Variants in SMG7 observed in about 807,000 individuals in gnomAD.
SMG7 encodes nonsense-mediated mRNA decay factor SMG7.
SMG7 carries 34 observed loss-of-function variants against 148.2 expected under a neutral mutation model. The ratio of observed to expected loss-of-function variants is 0.23; its 90% CI spans 0.17 to 0.31. The LOEUF is 0.31. Ranked by LOEUF, SMG7 falls within the 10% of genes least tolerant of loss-of-function variation. The pLI, the probability that SMG7 is intolerant of heterozygous loss-of-function variation, is 1.00. For missense variants in SMG7, 1,114 were observed against 1,408.4 expected (o/e 0.79, Z 3.35); for synonymous variants, 492 against 515.1 (o/e 0.96, Z 0.61).
At chr1:183,489,645 G>A (rs1405160203) in intron 1 of SMG7, among the ~76,000 whole-genome samples, 1 of 152,146 alleles carries the variant, frequency 6.6e-6, no homozygotes, top group Non-Finnish European at 1.5e-5. Flanking sequence ...TATTGCCTTT[G>A]TATTGTCTTC....
At chr1:183,504,262 G>A (rs1660399060) in intron 1 of SMG7, among the ~76,000 whole-genome samples, 1 of 152,016 alleles carries the variant, frequency 6.6e-6, no homozygotes, top group Admixed American at 6.6e-5. Flanking sequence ...TGTACTTACT[G>A]GTAGTATTTC....
chr1:183,488,735 G>GA (rs1453977135), intron 1 of SMG7, among the ~76,000 whole-genome samples: 1 of 140,060 alleles, frequency 7.1e-6, no homozygotes, highest in Non-Finnish European at 1.5e-5. Context: ...GCCCAGGCTG[G>GA]AGTGCAGTGG....
chr1:183,488,178 T>A (rs937270453), intron 1 of SMG7, among the ~76,000 whole-genome samples: 2 of 152,248 alleles, frequency 1.3e-5, no homozygotes, highest in African/African-American at 4.8e-5. Flanking sequence ...GCTGTACTTT[T>A]GCCTTTCAAA....
intron 2 of SMG7, among the ~76,000 whole-genome samples, chr1:183,514,708 G>T (rs1663065942): frequency 2.0e-5 from 3 of 152,212 alleles, no homozygotes; most frequent in African/African-American, 7.2e-5. Flanking sequence ...CTTGATAGAT[G>T]AGAATTAGTA....
chr1:183,501,071 G>A (rs1274707367), intron 1 of SMG7: 3 of 152,154 alleles, frequency 2.0e-5, no homozygotes, highest in Non-Finnish European at 4.4e-5. Flanking sequence ...GAATTGATTA[G>A]TGTGAGTTCT....
At chr1:183,508,607 T>C (rs1661480718) in intron 1 of SMG7, among the ~76,000 whole-genome samples, 1 of 152,206 alleles carries the variant, frequency 6.6e-6, no homozygotes, top group African/African-American at 2.4e-5. Context: ...TGTACACTGT[T>C]TTTTAAAAAG....
At position 183,491,481 on chromosome 1, in the gene SMG7, GTGTGCA is replaced by G. The variant is rs201705834; in HGVS notation, c.29+18842_29+18847del. On this transcript the variant is annotated intron_variant, in intron 1 of 22. Coordinates refer to ENST00000688051, the MANE Select transcript of SMG7 (RefSeq NM_001375584.1). ...CATGTATGTATTTTGGGATATAAAT[GTGTGCA>G]TGTGCATGTATAGAATGTTACATAC... Among the ~76,000 whole-genome samples, 805 of 152,226 alleles carry G rather than the reference GTGTGCA, an allele frequency of 5.3e-3. 11 individuals carry two copies. The highest frequency in any genetic ancestry group is 0.018 in the African/African-American group (742 of 41,538).
chr1:183,477,918 C>T (rs1392369774), intron 1 of SMG7, among the ~76,000 whole-genome samples: 2 of 152,048 alleles, frequency 1.3e-5, no homozygotes, highest in Non-Finnish European at 2.9e-5. Flanking sequence ...ACTAATATAA[C>T]AGCCACAGGG....
intron 10 of SMG7, among the ~76,000 whole-genome samples, chr1:183,536,751 G>T (rs1472181236): frequency 3.3e-5 from 5 of 152,116 alleles, no homozygotes; most frequent in Non-Finnish European, 7.4e-5. Flanking sequence ...ACAGATTAAA[G>T]AACTAACAGC....
chr1:183,528,420 G>A (rs909045612), intron 6 of SMG7, among the ~76,000 whole-genome samples: 3 of 151,850 alleles, frequency 2.0e-5, no homozygotes, highest in Non-Finnish European at 4.4e-5. Flanking sequence ...CCCAAACTAG[G>A]CATTAGCAGT....
chr1:183,502,695 A>G (rs1350649972), intron 1 of SMG7, among the ~76,000 whole-genome samples: 1 of 152,204 alleles, frequency 6.6e-6, no homozygotes, highest in Non-Finnish European at 1.5e-5. Context: ...TGATAAACGT[A>G]GGGACACATG....
At chr1:183,501,043 GA>G (rs1324847569) in intron 1 of SMG7, 1 of 152,150 alleles carries the variant, frequency 6.6e-6, no homozygotes, top group East Asian at 1.9e-4. Context: ...GAAGAATTAT[GA>G]AAAATGTTCT....
intron 14 of SMG7, among the ~76,000 whole-genome samples, chr1:183,543,341 T>C (rs1013037310): frequency 4.6e-5 from 7 of 152,138 alleles, no homozygotes; most frequent in Non-Finnish European, 1.0e-4. Context: ...AAATAAATAG[T>C]ACCTTTGAAG....
chr1:183,477,283 C>T (rs916576156), intron 1 of SMG7, among the ~76,000 whole-genome samples: 2 of 152,146 alleles, frequency 1.3e-5, no homozygotes, highest in African/African-American at 4.8e-5. Flanking sequence ...CTTCACTATT[C>T]TCTTTTGTCT....
chr1:183,505,852 G>GT (rs36039440), intron 1 of SMG7, among the ~76,000 whole-genome samples: 1,679 of 152,154 alleles, frequency 0.011, 32 homozygotes, highest in African/African-American at 0.039. Context: ...TTGAATCTGG[G>GT]TTTTTCCGTT....
At chr1:183,528,655 T>C (rs1190096125) in intron 6 of SMG7, among the ~76,000 whole-genome samples, 4 of 152,198 alleles carry the variant, frequency 2.6e-5, no homozygotes, top group African/African-American at 9.6e-5. Flanking sequence ...ATTTATAATC[T>C]AGCCCTTGCT....
Position 183,489,508 on chromosome 1 carries a change from T to C in SMG7, c.29+16859T>C, listed in dbSNP as rs146932065. 8.7e-4 allele frequency among the ~76,000 whole-genome samples: 133 copies of C among 152,206 alleles called. 2 individuals are homozygous for C. In the East Asian group the frequency reaches 0.018, roughly 21 times the overall value. The stretch of plus-strand genomic sequence containing the variant: ...GAGAGAGATTGATTCATCGATGATA[T>C]TGATGTTGACCATAGAGAAATAGTA... On this transcript the variant is annotated intron_variant, in intron 1 of 22. Coordinates refer to ENST00000688051, the MANE Select transcript of SMG7 (RefSeq NM_001375584.1).
intron 18 of SMG7, 38 bp downstream of exon 18, chr1:183,547,290 C>G: frequency 6.5e-7 from 1 of 1,531,178 alleles, no homozygotes; most frequent in Non-Finnish European, 8.8e-7. Context: ...TGGTCTAACC[C>G]CCAGCTGCTT....
Position 183,537,181 on chromosome 1 carries a change from C to T in SMG7, c.1200C>T (p.Phe400=). 6.2e-7 allele frequency: 1 copy of T among 1,613,002 alleles called. No individual in the cohort carries two copies. Residue 400 remains phenylalanine (F), a synonymous_variant, in exon 11 of 23, where the codon TTC becomes TTT. Transcript: ENST00000688051. ...WPWLISLLNS[F]HPHEEDLSSI... ...GGTTGATTTCTCTTCTGAATAGTTT[C>T]CATCCCCATGAAGAGGACCTCTCAA...
Sources: gnomAD v4.1 joint callset for allele counts (sites outside exome capture counted in the v4.1 genomes callset) on GRCh38, gnomAD v4.1.1 for gene constraint, MANE v1.5 for transcripts, NCBI Gene and HGNC (gene_info 2026-07-23, HGNC 2026-07-21) for gene names.